LRRN3: variants seen among roughly 807,000 people sequenced by gnomAD.
LRRN3 encodes leucine-rich repeat neuronal protein 3.
LRRN3 carries 15 observed loss-of-function variants against 40.1 expected under a neutral mutation model. That is an observed-to-expected ratio of 0.37 (90% confidence interval 0.25 to 0.58). The LOEUF (loss-of-function observed/expected upper bound fraction) is 0.58, where lower values mean the gene tolerates loss of function less well. LRRN3 is among the 20% of genes least tolerant of loss of function. The pLI is 0.72. For synonymous variants in LRRN3, 308 were observed against 297.2 expected (o/e 1.04, Z -0.37); for missense variants, 746 against 837.7 (o/e 0.89, Z 1.35).
chr7:111,111,339 G>A (rs1421749584), intron 2 of LRRN3, among the ~76,000 whole-genome samples: 4 of 150,332 alleles, frequency 2.7e-5, no homozygotes, highest in African/African-American at 7.3e-5. Context: ...GTTAGCAAGG[G>A]CCTACATTGC....
rs1449671469 is a variant in LRRN3, at chr7:111,122,671, C to T, written c.-102C>T. On this transcript the variant is annotated 5_prime_UTR_variant, in exon 3 of 3. Coordinates refer to ENST00000308478, the MANE Select transcript of LRRN3 (RefSeq NM_001099658.2). ...TGGTTCTATGGCATTCATCATTTGA[C>T]AAATGCAAGCATCTTCCTTATCAAT... 1.2e-5 allele frequency: 11 copies of T among 910,950 alleles called. No individual in the cohort carries two copies. The South Asian group carries it at 1.9e-4, about 16-fold the overall frequency. The allele number at this position is 910,950 out of a possible 1,614,324, so 56.4% of individuals were successfully genotyped here.
chr7:111,116,111 T>C (rs1006020654), intron 2 of LRRN3, among the ~76,000 whole-genome samples: 2 of 152,224 alleles, frequency 1.3e-5, no homozygotes, highest in African/African-American at 2.4e-5. Flanking sequence ...GGAGAGAGAA[T>C]TGTGCTATTT....
intron 2 of LRRN3, among the ~76,000 whole-genome samples, chr7:111,120,598 A>T (rs537894574): frequency 2.0e-5 from 3 of 152,230 alleles, no homozygotes; most frequent in African/African-American, 7.2e-5. Context: ...TTAGTAATGG[A>T]AGGTAAGTTA....
chr7:111,100,637 T>C (rs1042107573), intron 2 of LRRN3, among the ~76,000 whole-genome samples: 2 of 151,142 alleles, frequency 1.3e-5, no homozygotes, highest in Non-Finnish European at 3.0e-5. Flanking sequence ...AACATTCTTA[T>C]TAATCTGTTG....
chr7:111,109,246 C>T (rs1410092375), intron 2 of LRRN3, among the ~76,000 whole-genome samples: 2 of 151,870 alleles, frequency 1.3e-5, no homozygotes, highest in Non-Finnish European at 2.9e-5. Flanking sequence ...CATTAACTTT[C>T]CTTCCATAAT....
chr7:111,116,092 T>C (rs1799849458), intron 2 of LRRN3, among the ~76,000 whole-genome samples: 1 of 152,190 alleles, frequency 6.6e-6, no homozygotes, highest in Admixed American at 6.5e-5. Context: ...AAGCATATCT[T>C]GAGACTCAGG....
chr7:111,119,563 G>A (rs1800331118), intron 2 of LRRN3, among the ~76,000 whole-genome samples: 1 of 152,134 alleles, frequency 6.6e-6, no homozygotes, highest in African/African-American at 2.4e-5. Flanking sequence ...CTGGATTTTA[G>A]TAATATATGT....
At chr7:111,113,134 T>C (rs1250777834) in intron 2 of LRRN3, among the ~76,000 whole-genome samples, 1 of 152,162 alleles carries the variant, frequency 6.6e-6, no homozygotes, top group Non-Finnish European at 1.5e-5. Context: ...ATTTTAAGAT[T>C]TCTGTAATAA....
At chr7:111,104,158 T>C (rs1798282340) in intron 2 of LRRN3, among the ~76,000 whole-genome samples, 1 of 151,734 alleles carries the variant, frequency 6.6e-6, no homozygotes, top group African/African-American at 2.4e-5. Flanking sequence ...GATACCTTCC[T>C]TCATTCATGC....
intron 2 of LRRN3, among the ~76,000 whole-genome samples, chr7:111,119,495 T>C (rs1303424556): frequency 2.0e-5 from 3 of 152,218 alleles, no homozygotes; most frequent in Admixed American, 6.5e-5. Context: ...ACAGATATAA[T>C]AGATTAACTT....
chr7:111,114,627 T>A (rs1378316759), intron 2 of LRRN3, among the ~76,000 whole-genome samples: 2 of 151,516 alleles, frequency 1.3e-5, no homozygotes, highest in Non-Finnish European at 2.9e-5. Context: ...TCCCAGCCAC[T>A]TGGGAGGCTG....
chr7:111,115,954 G>A (rs138452273), intron 2 of LRRN3, among the ~76,000 whole-genome samples: 3,474 of 152,256 alleles, frequency 0.023, 111 homozygotes, highest in African/African-American at 0.076. Flanking sequence ...TGGGATTACA[G>A]GCATGAGCCA....
At chr7:111,110,318 CT>C (rs1799055353) in intron 2 of LRRN3, among the ~76,000 whole-genome samples, 1 of 152,102 alleles carries the variant, frequency 6.6e-6, no homozygotes, top group Non-Finnish European at 1.5e-5. Flanking sequence ...AACCTCAAAA[CT>C]AATATTTTTC....
rs1801014892 is a variant in LRRN3 at position 111,124,240 on chromosome 7, G to A, written c.1468G>A (p.Glu490Lys). 6.2e-7 allele frequency: 1 copy of A among 1,613,894 alleles called. No homozygotes were observed. Among genetic ancestry groups the A allele is most frequent in the African/African-American group, 1.3e-5 (1 of 74,920 alleles). The part of the protein sequence containing the change: ...TLDINGVTPK[E>K]GGLYTCIATN... ...AGATATAAATGGCGTAACTCCCAAA[G>A]AAGGGGGTTTATATACTTGTATAGC... is the stretch of plus-strand genomic sequence containing the variant. The change falls in exon 3 of 3, where the codon GAA becomes AAA. Residue 490 changes from glutamate (E) to lysine (K), a missense_variant. Transcript: ENST00000308478.
intron 2 of LRRN3, among the ~76,000 whole-genome samples, chr7:111,100,436 TG>T (rs1797851537): frequency 6.8e-6 from 1 of 147,920 alleles, no homozygotes; most frequent in South Asian, 2.1e-4. Flanking sequence ...ATATATGTAA[TG>T]AAAATATATA....
chr7:111,094,487 T>C (rs1016237312), intron 1 of LRRN3, among the ~76,000 whole-genome samples: 3 of 152,156 alleles, frequency 2.0e-5, no homozygotes, highest in African/African-American at 7.2e-5. Context: ...AAATGTTCCA[T>C]GTAGACCTGG....
intron 2 of LRRN3, among the ~76,000 whole-genome samples, chr7:111,101,415 A>G (rs1486938496): frequency 1.3e-5 from 2 of 151,470 alleles, no homozygotes; most frequent in Non-Finnish European, 3.0e-5. Context: ...TTAATGTATG[A>G]TCTCAGAATC....
intron 1 of LRRN3, among the ~76,000 whole-genome samples, chr7:111,095,009 A>G (rs1797257386): frequency 6.6e-6 from 1 of 152,050 alleles, no homozygotes. Context: ...AGGGCCATTT[A>G]CTATATTTGC....
At chr7:111,121,755 G>A (rs1272122855) in intron 2 of LRRN3, among the ~76,000 whole-genome samples, 1 of 152,046 alleles carries the variant, frequency 6.6e-6, no homozygotes, top group Non-Finnish European at 1.5e-5. Context: ...ACTAAAACAT[G>A]CTGATATAAA....
Sources: allele counts gnomAD v4.1 joint callset (sites outside exome capture counted in the v4.1 genomes callset), GRCh38; gene constraint gnomAD v4.1.1; transcripts MANE v1.5; gene names NCBI Gene and HGNC (gene_info 2026-07-23, HGNC 2026-07-21).